Variants in MAP4 observed in about 807,000 individuals in gnomAD.
The protein encoded by MAP4 is microtubule-associated protein 4.
A neutral mutation model predicts 170.2 loss-of-function variants in MAP4; 76 were observed. The observed-to-expected ratio is 0.45, with a 90% CI of 0.37 to 0.54. The LOEUF (loss-of-function observed/expected upper bound fraction) is 0.54. MAP4 is among the 20% of genes least tolerant of loss of function. The probability of loss-of-function intolerance (pLI) is 0.00; values close to 1 mark genes in which losing one functional copy is unlikely to be tolerated. For missense variants in MAP4, 2,506 were observed against 2,748.0 expected (o/e 0.91, Z 1.97); for synonymous variants, 909 against 994.5 (o/e 0.91, Z 1.62).
chr3:47,928,060 G>A (rs542970860), intron 4 of MAP4, among the ~76,000 whole-genome samples, 168 bp downstream of exon 4: 25 of 152,328 alleles, frequency 1.6e-4, no homozygotes, highest in African/African-American at 5.5e-4. Flanking sequence ...GGCATTAAGT[G>A]TCTCAAAGGA....
intron 19 of MAP4, among the ~76,000 whole-genome samples, chr3:47,854,028 G>A (rs2049761782): frequency 1.3e-5 from 2 of 152,234 alleles, no homozygotes; most frequent in South Asian, 2.1e-4. Context: ...GGCCACTGGG[G>A]AGCTGGAAAG....
chr3:47,883,385 C>T (rs1183787952), intron 10 of MAP4, among the ~76,000 whole-genome samples: 11 of 151,780 alleles, frequency 7.2e-5, no homozygotes, highest in East Asian at 2.0e-4. Context: ...TCACCACGCC[C>T]GGCTAATTTT....
At chr3:47,997,978 T>C (rs909243585) in intron 2 of MAP4, among the ~76,000 whole-genome samples, 2 of 152,216 alleles carry the variant, frequency 1.3e-5, no homozygotes, top group Admixed American at 6.5e-5. Context: ...CCCAGATAGC[T>C]TTATTGATGA....
intron 4 of MAP4, among the ~76,000 whole-genome samples, chr3:47,924,847 G>T (rs1362546743): frequency 6.6e-6 from 1 of 151,056 alleles, no homozygotes; most frequent in Non-Finnish European, 1.5e-5. Context: ...GTCTCGCTCT[G>T]TCGCCCAGGC....
At chr3:47,882,509 T>TA (rs139586737) in intron 10 of MAP4, among the ~76,000 whole-genome samples, 14,569 of 151,860 alleles carry the variant, frequency 0.096, 2,355 homozygotes, top group African/African-American at 0.33. Flanking sequence ...CTATTTTTAT[T>TA]AAAAAAAAGC....
chr3:47,998,751 A>C lies in MAP4; in HGVS notation c.110T>G (p.Val37Gly). 1 of 1,613,970 alleles carries C rather than the reference A, an allele frequency of 6.2e-7. No homozygotes were observed. The highest frequency in any genetic ancestry group is 8.5e-7 in the Non-Finnish European group (1 of 1,179,872). Reference sequence around the variant, plus strand: ...TGTTTTTCCAACAGTTTCTCCCACAACATCATCAAAGGCCTCTGCCTCTAG... The same window carrying C: ...TGTTTTTCCAACAGTTTCTCCCACACCATCATCAAAGGCCTCTGCCTCTAG... ...ATLEAEAFDDVVGETVGKTDY... is the reference protein window; with the variant it reads ...ATLEAEAFDDGVGETVGKTDY... The change falls in exon 2 of 21, where the codon GTT becomes GGT. Residue 37 changes from valine to glycine, a missense_variant. Around this residue, in one of 3 missense-constraint regions of MAP4, gnomAD observed 2,008 missense variants for 2,206.0 expected, o/e 0.91. Transcript: ENST00000683076.
At chr3:47,974,920 A>C in intron 3 of MAP4, 1 of 985,592 alleles carries the variant, frequency 1.0e-6, no homozygotes. Context: ...GGTAGCCTGT[A>C]AGATTAACCT....
chr3:48,019,615 T>A (rs532193977), upstream of MAP4, among the ~76,000 whole-genome samples: 1 of 152,334 alleles, frequency 6.6e-6, no homozygotes, highest in South Asian at 2.1e-4. Context: ...CTGGGCATGG[T>A]GGTTCATGCC....
intron 4 of MAP4, among the ~76,000 whole-genome samples, chr3:47,922,095 C>A (rs2100043234): frequency 6.6e-6 from 1 of 151,900 alleles, no homozygotes; most frequent in Admixed American, 6.6e-5. Flanking sequence ...TTACAGATGC[C>A]CGCCACCATG....
intron 3 of MAP4, among the ~76,000 whole-genome samples, chr3:47,935,640 T>A (rs1430166423): frequency 6.6e-6 from 1 of 151,788 alleles, no homozygotes; most frequent in Non-Finnish European, 1.5e-5. Flanking sequence ...TGAACCATAA[T>A]AATATACCTG....
Position 47,910,885 on chromosome 3 carries a change from A to G in MAP4, c.3536T>C (p.Val1179Ala), listed in dbSNP as rs925554074. Residue 1179 changes from valine to alanine, a missense_variant, in exon 9 of 21, where the codon GTA becomes GCA. Val to Ala is a moderately conservative substitution (Grantham distance 64). Transcript: ENST00000683076. ...GTTATTGACACCCATATCTTTGACT[A>G]CATCTCCTGTTTCTGTGCTAACACC... Reference protein sequence around the residue: ...TSGVSTETGDVVKDMGVNNQS... With the variant: ...TSGVSTETGDAVKDMGVNNQS... 6 of 1,536,014 alleles carry G rather than the reference A, an allele frequency of 3.9e-6. No individual in the cohort carries two copies. In the African/African-American group the frequency reaches 8.2e-5, roughly 21 times the overall value.
At chr3:48,052,087 T>C (rs1009519561) in intron 1 of MAP4, among the ~76,000 whole-genome samples, 2 of 152,132 alleles carry the variant, frequency 1.3e-5, no homozygotes, top group African/African-American at 4.8e-5. Flanking sequence ...CACTGTCAAA[T>C]GTCCCCTAAA....
chr3:48,086,103 T>A (rs927446131), intron 1 of MAP4, among the ~76,000 whole-genome samples: 2 of 149,978 alleles, frequency 1.3e-5, no homozygotes, highest in Non-Finnish European at 2.9e-5. Flanking sequence ...TGTATATATA[T>A]GTATATGTGT....
intron 1 of MAP4, among the ~76,000 whole-genome samples, chr3:48,039,859 T>C (rs917342288): frequency 8.5e-5 from 13 of 152,224 alleles, no homozygotes; most frequent in African/African-American, 2.7e-4. Context: ...ATCTGAACAT[T>C]GTTTGGCTCA....
chr3:48,039,425 G>C (rs1367847668), intron 1 of MAP4: 1 of 152,668 alleles, frequency 6.6e-6, no homozygotes, highest in Non-Finnish European at 1.5e-5. Flanking sequence ...TGTGTGTCTG[G>C]CTGCTCTGCT....
At chr3:47,867,364 C>T in intron 16 of MAP4, 26 bp from the exon 17 acceptor site, 1 of 1,500,866 alleles carries the variant, frequency 6.7e-7, no homozygotes, top group Non-Finnish European at 9.3e-7. Context: ...ATAGAAAAAA[C>T]AACACAAAGG....
At chr3:48,003,509 T>C (rs918821721) in intron 1 of MAP4, among the ~76,000 whole-genome samples, 1 of 150,844 alleles carries the variant, frequency 6.6e-6, no homozygotes, top group Non-Finnish European at 1.5e-5. Context: ...TGATCAGCCA[T>C]TCCAAAGCAC....
At chr3:47,897,125 C>T (rs1032690726) in intron 10 of MAP4, among the ~76,000 whole-genome samples, 1 of 152,030 alleles carries the variant, frequency 6.6e-6, no homozygotes, top group Admixed American at 6.6e-5. Flanking sequence ...CTCTCCTTTT[C>T]GATGTATCTT....
intron 1 of MAP4, among the ~76,000 whole-genome samples, chr3:48,001,077 T>G (rs1464112953): frequency 1.3e-5 from 2 of 152,156 alleles, no homozygotes; most frequent in African/African-American, 4.8e-5. Context: ...AGGGTGTTGC[T>G]ATATATTAGA....
Sources: allele counts gnomAD v4.1 joint callset (sites outside exome capture counted in the v4.1 genomes callset), GRCh38; gene constraint gnomAD v4.1.1; regional missense constraint gnomAD v4.1.1; transcripts MANE v1.5; gene names NCBI Gene and HGNC (gene_info 2026-07-23, HGNC 2026-07-21).